The following RAB11FIP3 variants were observed in gnomAD, a reference collection of about 807,000 sequenced individuals.
RAB11FIP3 encodes RAB11 family interacting protein 3.
RAB11FIP3 carries 17 observed loss-of-function variants against 77.8 expected under a neutral mutation model. The observed-to-expected ratio is 0.22, with a 90% CI of 0.15 to 0.33. The LOEUF (loss-of-function observed/expected upper bound fraction) is 0.33, where lower values mean the gene tolerates loss of function less well. RAB11FIP3 is among the 10% of genes least tolerant of loss of function. The probability of loss-of-function intolerance (pLI) is 1.00; values close to 1 mark genes in which losing one functional copy is unlikely to be tolerated. For synonymous variants in RAB11FIP3, 437 were observed against 448.2 expected (o/e 0.98, Z 0.31); for missense variants, 1,005 against 1,011.2 (o/e 0.99, Z 0.08).
intron 5 of RAB11FIP3, among the ~76,000 whole-genome samples, chr16:491,738 C>G (rs368003521): frequency 6.6e-6 from 1 of 152,218 alleles, no homozygotes; most frequent in Non-Finnish European, 1.5e-5. Context: ...GGCTGGCCCT[C>G]ATGTCTAACT....
intron 1 of RAB11FIP3, among the ~76,000 whole-genome samples, chr16:436,067 T>C (rs1188848505): frequency 1.3e-5 from 2 of 152,010 alleles, no homozygotes; most frequent in Non-Finnish European, 2.9e-5. Flanking sequence ...TCCCAGCACT[T>C]TGGGAGGCCG....
chr16:488,790 C>G, intron 4 of RAB11FIP3, 61 bp from the exon 5 acceptor site: 1 of 1,566,968 alleles, frequency 6.4e-7, no homozygotes, highest in Non-Finnish European at 8.7e-7. Context: ...CCTTCCACAC[C>G]CTCAGCTCGG....
intron 2 of RAB11FIP3, among the ~76,000 whole-genome samples, chr16:463,619 G>T (rs980578329): frequency 1.3e-5 from 2 of 152,012 alleles, no homozygotes; most frequent in African/African-American, 2.4e-5. Flanking sequence ...TGTATTTTTA[G>T]TAGAGACAGG....
At position 472,002 on chromosome 16, in the gene RAB11FIP3, G is replaced by T. The variant is rs914729859; in HGVS notation, c.903+613G>T. On this transcript the variant is annotated intron_variant, in intron 3 of 13. Coordinates refer to ENST00000262305, the MANE Select transcript of RAB11FIP3 (RefSeq NM_014700.4). This position sits in a 1 kb window ranked among gnomAD's most constrained non-coding sequence, Gnocchi z 4.1. The stretch of plus-strand genomic sequence containing the variant: ...GCATGAAGTTGAACTTGAGCCCTTG[G>T]GGGCCGCCGGGAAGGTGGAGGTGGC... 6.6e-6 allele frequency among the ~76,000 whole-genome samples: 1 copy of T among 152,214 alleles called. No homozygotes were observed. The highest frequency in any genetic ancestry group is 2.4e-5 in the African/African-American group (1 of 41,466).
chr16:452,042 G>A (rs2055417278), intron 1 of RAB11FIP3, among the ~76,000 whole-genome samples: 1 of 152,056 alleles, frequency 6.6e-6, no homozygotes, highest in Non-Finnish European at 1.5e-5. Flanking sequence ...CCAGCTACTC[G>A]GGAGGCTGAT....
At chr16:455,742 C>T (rs1186226374) in intron 1 of RAB11FIP3, among the ~76,000 whole-genome samples, 2 of 152,158 alleles carry the variant, frequency 1.3e-5, no homozygotes, top group African/African-American at 2.4e-5. Flanking sequence ...ACTACTGGCA[C>T]GTGGACCGAC....
intron 2 of RAB11FIP3, among the ~76,000 whole-genome samples, chr16:463,222 C>G (rs2055646430): frequency 6.6e-6 from 1 of 151,972 alleles, no homozygotes; most frequent in Non-Finnish European, 1.5e-5. Flanking sequence ...GGTCCTTTCC[C>G]TCCTTCATGC....
At position 471,231 on chromosome 16, in the gene RAB11FIP3, G is replaced by A. The variant is rs886207166; in HGVS notation, c.809-64G>A. 45 of 1,447,612 alleles carry A rather than the reference G, an allele frequency of 3.1e-5. No homozygotes were observed. The highest frequency in any genetic ancestry group is 4.6e-5 in the South Asian group (4 of 86,060). 89.7% of individuals were successfully genotyped at this position (1,447,612 alleles called of 1,614,324 possible). ...CTCCTTCCCAGGGAGTCCCGAGGCC[G>A]CCAGGGGTCCCGTCACTGGGTGGCT... On this transcript the variant is annotated intron_variant, in intron 2 of 13. Transcript: ENST00000262305. The surrounding 1 kb of genome is among the most constrained non-coding windows in gnomAD (Gnocchi z 4.4).
rs1212573455 is a variant in RAB11FIP3, at chr16:505,377, G to C, written c.1396-147G>C. On this transcript the variant is annotated intron_variant, in intron 7 of 13. Coordinates refer to ENST00000262305, the MANE Select transcript of RAB11FIP3 (RefSeq NM_014700.4). This position sits in a 1 kb window ranked among gnomAD's most constrained non-coding sequence, Gnocchi z 4.0. Reference sequence around the variant, plus strand: ...GAGCTGCACCTTTGTGGGTTTATGGGACAAGTTGGATCCAACACCAGCCTA... The same window carrying C: ...GAGCTGCACCTTTGTGGGTTTATGGCACAAGTTGGATCCAACACCAGCCTA... 1.3e-5 allele frequency: 8 copies of C among 633,708 alleles called. No homozygotes were observed. The highest frequency in any genetic ancestry group is 2.2e-5 in the Non-Finnish European group (8 of 366,116). 39.3% of individuals were successfully genotyped at this position (633,708 alleles called of 1,614,324 possible). A position where few individuals can be genotyped will look rare whatever the true frequency, so the allele number is the denominator to read the frequency against.
chr16:486,951 A>G (rs1003640499), intron 4 of RAB11FIP3, among the ~76,000 whole-genome samples: 3 of 152,198 alleles, frequency 2.0e-5, no homozygotes, highest in Non-Finnish European at 2.9e-5. Context: ...GCACCCAATC[A>G]TAAGAAACAG....
intron 4 of RAB11FIP3, among the ~76,000 whole-genome samples, chr16:486,817 GT>G (rs2056164133): frequency 6.6e-6 from 1 of 152,194 alleles, no homozygotes; most frequent in Non-Finnish European, 1.5e-5. Flanking sequence ...TTTCACCATG[GT>G]GGCCCGGGGA....
rs545991481 is a variant in RAB11FIP3 at position 461,511 on chromosome 16, G to T, written c.808+14G>T. 12 of 1,606,256 alleles carry T rather than the reference G, an allele frequency of 7.5e-6. No individual in the cohort carries two copies. The highest frequency in any genetic ancestry group is 5.0e-5 in the Admixed American group (3 of 59,930). On this transcript the variant is annotated intron_variant, in intron 2 of 13. Transcript: ENST00000262305. This position sits in a 1 kb window ranked among gnomAD's most constrained non-coding sequence, Gnocchi z 4.5. ...TCAGAAACGGAGGTCAGTCATCCCC[G>T]CCATGAGCTCCCACCTCCTCTCCCG...
At position 506,275 on chromosome 16, in the gene RAB11FIP3, C is replaced by A. The variant is rs2031871737; in HGVS notation, c.1499+648C>A. On this transcript the variant is annotated intron_variant, in intron 8 of 13. Coordinates refer to ENST00000262305, the MANE Select transcript of RAB11FIP3 (RefSeq NM_014700.4). The surrounding 1 kb of genome is among the most constrained non-coding windows in gnomAD (Gnocchi z 4.5). Reference sequence around the variant, plus strand: ...GTTGTCTCATAGCCGATTTGCAGGACTGTTTCCGGTGCAAAGTAAGATGAG... The same window carrying A: ...GTTGTCTCATAGCCGATTTGCAGGAATGTTTCCGGTGCAAAGTAAGATGAG... 6.6e-6 allele frequency among the ~76,000 whole-genome samples: 1 copy of A among 152,164 alleles called. No individual in the cohort carries two copies. The highest frequency in any genetic ancestry group is 2.4e-5 in the African/African-American group (1 of 41,440).
chr16:466,964 A>T (rs1596234724), intron 2 of RAB11FIP3, among the ~76,000 whole-genome samples: 1 of 152,062 alleles, frequency 6.6e-6, no homozygotes, highest in Non-Finnish European at 1.5e-5. Flanking sequence ...CAGCCGAGGG[A>T]GAGCACGGCT....
At chr16:428,112 A>AC (rs202205815) in intron 1 of RAB11FIP3, among the ~76,000 whole-genome samples, 1 of 151,392 alleles carries the variant, frequency 6.6e-6, no homozygotes, top group South Asian at 2.1e-4. Flanking sequence ...AAAAAAAAAA[A>AC]CAGCAACAAA....
Position 510,815 on chromosome 16 carries a change from A to G in RAB11FIP3, c.1640+15A>G, listed in dbSNP as rs1043567361. ...CTGCAGACCAGGTAGGCGGTTCCCA[A>G]CAGCCCATCCACCCCAGAACCTGCA... On this transcript the variant is annotated intron_variant, in intron 9 of 13. Coordinates refer to ENST00000262305, the MANE Select transcript of RAB11FIP3 (RefSeq NM_014700.4). 2.5e-6 allele frequency: 4 copies of G among 1,611,600 alleles called. No homozygotes were observed. The highest frequency in any genetic ancestry group is 8.5e-7 in the Non-Finnish European group (1 of 1,179,012).
chr16:482,805 G>T, intron 4 of RAB11FIP3, 69 bp downstream of exon 4: 1 of 1,470,894 alleles, frequency 6.8e-7, no homozygotes, highest in Non-Finnish European at 9.2e-7. Flanking sequence ...TGTCTGATGG[G>T]CAGACTGGGG....
At chr16:497,340 C>T (rs1442800336) in intron 6 of RAB11FIP3, 2 of 1,303,998 alleles carry the variant, frequency 1.5e-6, no homozygotes, top group Non-Finnish European at 2.0e-6. Flanking sequence ...GCAACATACA[C>T]TTTTATCTTC....
chr16:510,488 T>A, intron 8 of RAB11FIP3, 172 bp from the exon 9 acceptor site: 1 of 692,142 alleles, frequency 1.4e-6, no homozygotes, highest in Non-Finnish European at 2.3e-6. Flanking sequence ...CATCTGGGGG[T>A]GTATTCGCTG....
Sources: allele counts gnomAD v4.1 joint callset (sites outside exome capture counted in the v4.1 genomes callset), GRCh38; gene constraint gnomAD v4.1.1; non-coding constraint Gnocchi (gnomAD v3.1); transcripts MANE v1.5; gene names NCBI Gene and HGNC (gene_info 2026-07-23, HGNC 2026-07-21).